The following CDH4 variants were observed in gnomAD, a reference collection of about 807,000 sequenced individuals.
CDH4 encodes cadherin 4.
CDH4 carries 33 observed loss-of-function variants against 86.0 expected under a neutral mutation model. The ratio of observed to expected loss-of-function variants is 0.38; its 90% CI spans 0.29 to 0.51. CDH4 has a LOEUF of 0.51. CDH4 is among the 20% of genes least tolerant of loss of function. The pLI, the probability that CDH4 is intolerant of heterozygous loss-of-function variation, is 0.86. For missense variants in CDH4, 1,114 were observed against 1,307.4 expected (o/e 0.85, Z 2.28); for synonymous variants, 555 against 549.4 (o/e 1.01, Z -0.14).
chr20:61,453,324 T>C (rs1426222234), intron 2 of CDH4, among the ~76,000 whole-genome samples: 1 of 152,182 alleles, frequency 6.6e-6, no homozygotes, highest in Non-Finnish European at 1.5e-5. Flanking sequence ...GCATTGCACT[T>C]TGAAGATGCA....
intron 2 of CDH4, among the ~76,000 whole-genome samples, chr20:61,562,232 G>C (rs2086223143): frequency 2.1e-5 from 2 of 96,562 alleles, no homozygotes; most frequent in Non-Finnish European, 3.7e-5. Context: ...GTGTGGAGAG[G>C]TGGACCCCAG....
Position 61,829,819 on chromosome 20 carries a change from G to A in CDH4, c.577-14849G>A, listed in dbSNP as rs891691198. Among the ~76,000 whole-genome samples the A allele has an allele frequency of 1.3e-5, 2 of 152,030 alleles. No homozygotes were observed. Among genetic ancestry groups the A allele is most frequent in the South Asian group, 4.1e-4 (2 of 4,824 alleles). ...AGGGAGTCTGTGCAGCCCTCCTCCA[G>A]ACCCCAGTCCCCTTGGACCAGGGGC... On this transcript the variant is annotated intron_variant, in intron 4 of 15. Coordinates refer to ENST00000614565, the MANE Select transcript of CDH4 (RefSeq NM_001794.5). The surrounding 1 kb of genome is among the most constrained non-coding windows in gnomAD (Gnocchi z 4.2).
intron 2 of CDH4, among the ~76,000 whole-genome samples, chr20:61,647,179 C>T (rs557120537): frequency 2.6e-5 from 4 of 152,278 alleles, no homozygotes; most frequent in Admixed American, 2.0e-4. Context: ...TGTTCCCAAG[C>T]AGGTTCCCTT....
intron 2 of CDH4, among the ~76,000 whole-genome samples, chr20:61,696,199 G>A (rs2087713171): frequency 6.6e-6 from 1 of 152,232 alleles, no homozygotes; most frequent in Admixed American, 6.5e-5. Context: ...AGGTATGCTT[G>A]AAGGAAGCAG....
At chr20:61,877,569 C>T (rs535046978) in intron 7 of CDH4, among the ~76,000 whole-genome samples, 17 of 152,244 alleles carry the variant, frequency 1.1e-4, no homozygotes, top group African/African-American at 3.9e-4. Flanking sequence ...TTCTATCCGA[C>T]GGGAGGCCCC....
At chr20:61,430,562 C>T (rs2085240920) in intron 2 of CDH4, among the ~76,000 whole-genome samples, 1 of 152,158 alleles carries the variant, frequency 6.6e-6, no homozygotes, top group Admixed American at 6.5e-5. Context: ...ATCGACAGAA[C>T]GGTGACATTT....
intron 2 of CDH4, among the ~76,000 whole-genome samples, chr20:61,527,269 G>A (rs1358666157): frequency 2.1e-5 from 3 of 142,056 alleles, no homozygotes; most frequent in South Asian, 2.3e-4. Context: ...TTTTTTTTTT[G>A]AGGCAGAGTC....
At chr20:61,381,329 A>G (rs2084899810) in intron 2 of CDH4, among the ~76,000 whole-genome samples, 1 of 152,244 alleles carries the variant, frequency 6.6e-6, no homozygotes, top group East Asian at 1.9e-4. Context: ...GTAAGGAAGA[A>G]TAAGTTCTTT....
At chr20:61,861,140 G>T (rs984901368) in intron 6 of CDH4, among the ~76,000 whole-genome samples, 6 of 152,190 alleles carry the variant, frequency 3.9e-5, no homozygotes, top group Non-Finnish European at 7.4e-5. Context: ...ACTGGACGTG[G>T]GCTCCGCTGG....
At chr20:61,502,485 A>T (rs1482890012) in intron 2 of CDH4, among the ~76,000 whole-genome samples, 1 of 152,220 alleles carries the variant, frequency 6.6e-6, no homozygotes, top group Non-Finnish European at 1.5e-5. Flanking sequence ...TTAAAAATAC[A>T]TAGCTAGAGA....
intron 2 of CDH4, among the ~76,000 whole-genome samples, chr20:61,724,538 A>G (rs182585049): frequency 1.3e-5 from 2 of 152,310 alleles, no homozygotes; most frequent in Admixed American, 1.3e-4. Flanking sequence ...TACCAAAACA[A>G]AGGCCCTTCC....
At chr20:61,598,787 C>A (rs936325962) in intron 2 of CDH4, among the ~76,000 whole-genome samples, 44 of 152,200 alleles carry the variant, frequency 2.9e-4, no homozygotes, top group Non-Finnish European at 4.3e-4. Context: ...CTGCGGGGCA[C>A]CCCACATGGC....
At chr20:61,918,020 C>T (rs1241211033) in intron 9 of CDH4, among the ~76,000 whole-genome samples, 3 of 152,228 alleles carry the variant, frequency 2.0e-5, no homozygotes, top group East Asian at 3.9e-4. Flanking sequence ...GCTACCACGA[C>T]GTGATGAAAC....
chr20:61,921,852 G>C (rs1442750014), intron 9 of CDH4, among the ~76,000 whole-genome samples: 1 of 151,830 alleles, frequency 6.6e-6, no homozygotes, highest in East Asian at 1.9e-4. Context: ...CCTTCCCTCT[G>C]ATAACGATGA....
intron 2 of CDH4, among the ~76,000 whole-genome samples, chr20:61,691,383 TTGTGTGGATGTGTGTGTGCAAGTGGA>T (rs959983587): frequency 3.3e-5 from 5 of 151,290 alleles, no homozygotes; most frequent in African/African-American, 1.2e-4. Flanking sequence ...GTGTGTGTAT[TTGTGTGGATGTGTGTGTGCAAGTGGA>T]TGTGTGGATG....
intron 2 of CDH4, among the ~76,000 whole-genome samples, chr20:61,331,814 T>G (rs2084582261): frequency 6.8e-6 from 1 of 146,152 alleles, no homozygotes; most frequent in Admixed American, 7.0e-5. Flanking sequence ...AGTTCTCATC[T>G]GCTGGCTTTC....
Position 61,565,366 on chromosome 20 carries a change from G to A in CDH4, c.170-178197G>A, listed in dbSNP as rs865792114. Among the ~76,000 whole-genome samples the A allele has an allele frequency of 6.8e-4, 27 of 39,658 alleles. 3 individuals are homozygous for A. Among genetic ancestry groups the A allele is most frequent in the Admixed American group, 1.2e-3 (5 of 4,128 alleles). 26.0% of individuals were successfully genotyped at this position (39,658 alleles called of 152,430 possible). On this transcript the variant is annotated intron_variant, in intron 2 of 15. Transcript: ENST00000614565. ...TGGTCCTCTTGGTGATGGGGTGATG[G>A]TGGTGGTGGTCCTCTTGGTGATGGG...
chr20:61,899,497 G>A (rs985725048), intron 8 of CDH4, among the ~76,000 whole-genome samples: 7 of 151,922 alleles, frequency 4.6e-5, no homozygotes, highest in African/African-American at 9.7e-5. Context: ...GCGTGGTCTC[G>A]GCTCACTGCA....
intron 2 of CDH4, among the ~76,000 whole-genome samples, chr20:61,312,623 G>A (rs183963464): frequency 6.6e-6 from 1 of 152,284 alleles, no homozygotes; most frequent in Admixed American, 6.5e-5. Context: ...GCTAGAGCCT[G>A]GCCCTCCTCG....
Sources: allele counts gnomAD v4.1 joint callset (sites outside exome capture counted in the v4.1 genomes callset), GRCh38; gene constraint gnomAD v4.1.1; non-coding constraint Gnocchi (gnomAD v3.1); transcripts MANE v1.5; gene names NCBI Gene and HGNC (gene_info 2026-07-23, HGNC 2026-07-21).